Variants in VPS37A observed in about 807,000 individuals in gnomAD.
The protein encoded by VPS37A is VPS37A subunit of ESCRT-I, also known as vacuolar protein sorting-associated protein 37A.
VPS37A carries 30 observed loss-of-function variants against 49.8 expected under a neutral mutation model. That is an observed-to-expected ratio of 0.60 (90% CI 0.45 to 0.82). VPS37A has a LOEUF of 0.82. Among genes scored for constraint, VPS37A ranks in the 40% least tolerant of loss-of-function variants. VPS37A has a pLI of 0.00. For synonymous variants in VPS37A, 195 were observed against 160.6 expected (o/e 1.21, Z -1.62); for missense variants, 593 against 464.4 (o/e 1.28, Z -2.55).
chr8:17,327,686 A>G, the VPS37A span, among the ~76,000 whole-genome samples: 1 of 152,218 alleles, frequency 6.6e-6, no homozygotes, highest in African/African-American at 2.4e-5. Context: ...TGTCTGTCTA[A>G]GCCAATTTAA....
the VPS37A span, among the ~76,000 whole-genome samples, chr8:17,314,985 A>AAAT: frequency 3.3e-5 from 5 of 152,222 alleles, no homozygotes; most frequent in African/African-American, 1.2e-4. Flanking sequence ...GGCCAGTGAA[A>AAAT]AATACACACA....
At chr8:17,247,828 T>C (rs1055046985) in intron 1 of VPS37A, 6 of 697,250 alleles carry the variant, frequency 8.6e-6, no homozygotes, top group Non-Finnish European at 1.6e-5. Context: ...AGCCAGAGTT[T>C]TCATCAGTGA....
the VPS37A span, chr8:17,313,280 G>C: frequency 6.3e-7 from 1 of 1,578,272 alleles, no homozygotes; most frequent in Non-Finnish European, 8.7e-7. Flanking sequence ...TATTTTCTCT[G>C]CAATTGCATA....
At chr8:17,312,113 A>C in the VPS37A span, among the ~76,000 whole-genome samples, 18 of 152,374 alleles carry the variant, frequency 1.2e-4, no homozygotes, top group African/African-American at 4.3e-4. Context: ...AACAAAAGTA[A>C]AAATGACACC....
At chr8:17,261,514 G>C (rs966538782) in intron 1 of VPS37A, among the ~76,000 whole-genome samples, 1 of 152,190 alleles carries the variant, frequency 6.6e-6, no homozygotes, top group African/African-American at 2.4e-5. Flanking sequence ...CTCCCTGTTT[G>C]CTCTTGTTTC....
At chr8:17,327,248 A>G in the VPS37A span, among the ~76,000 whole-genome samples, 19,952 of 152,158 alleles carry the variant, frequency 0.13, 1,833 homozygotes, top group Non-Finnish European at 0.2. Context: ...ATAAAACACT[A>G]CTATCAACAT....
intron 10 of VPS37A, among the ~76,000 whole-genome samples, chr8:17,285,057 A>T (rs35254882): frequency 2.9e-4 from 41 of 142,264 alleles, no homozygotes; most frequent in African/African-American, 4.9e-4. Flanking sequence ...GAAAAAAAAA[A>T]ATTTTTTTTT....
Position 17,295,025 on chromosome 8 carries a change from A to G in VPS37A, c.*39A>G, listed in dbSNP as rs1816518449. The G allele has an allele frequency of 6.6e-6, 1 of 152,650 alleles. No homozygotes were observed. The highest frequency in any genetic ancestry group is 6.5e-5 in the Admixed American group (1 of 15,280). 9.5% of individuals were successfully genotyped at this position (152,650 alleles called of 1,614,324 possible). On this transcript the variant is annotated 3_prime_UTR_variant, in exon 12 of 12. Transcript: ENST00000324849. ...CATGAACTGCCAAGAGAGGAATGGG[A>G]CACAAAACCAAACACTGTTTTATAT... is the stretch of plus-strand genomic sequence containing the variant.
intron 1 of VPS37A, among the ~76,000 whole-genome samples, chr8:17,254,960 C>G (rs1812306340): frequency 6.6e-6 from 1 of 152,120 alleles, no homozygotes; most frequent in African/African-American, 2.4e-5. Context: ...ATAAACGTTA[C>G]TTGAGTTACC....
rs759995761 is a variant in VPS37A, at chr8:17,274,876, C to T, written c.560C>T (p.Thr187Ile). 6 of 1,614,014 alleles carry T rather than the reference C, an allele frequency of 3.7e-6. No individual in the cohort carries two copies. The highest frequency in any genetic ancestry group is 5.1e-6 in the Non-Finnish European group (6 of 1,180,022). Reference sequence around the variant, plus strand: ...GTTTCTTCTTCAACAACAAGTCATACCACAGCCAAGCCTGCCGCTCCTTCA... The same window carrying T: ...GTTTCTTCTTCAACAACAAGTCATATCACAGCCAAGCCTGCCGCTCCTTCA... ...DTVSSSTTSH[T>I]TAKPAAPSFG... Residue 187 changes from threonine to isoleucine, a missense_variant, in exon 5 of 12, where the codon ACC becomes ATC. Coordinates refer to ENST00000324849, the MANE Select transcript of VPS37A (RefSeq NM_152415.3).
chr8:17,298,116 C>T (rs1259142402), downstream of VPS37A: 2 of 151,972 alleles, frequency 1.3e-5, no homozygotes, highest in East Asian at 1.9e-4. Context: ...CAATATTAGG[C>T]AACAGAGTTT....
chr8:17,323,944 T>G, the VPS37A span, among the ~76,000 whole-genome samples: 3 of 152,200 alleles, frequency 2.0e-5, no homozygotes, highest in African/African-American at 4.8e-5. Flanking sequence ...AAAATTAATC[T>G]TTGAACTGTC....
downstream of VPS37A, chr8:17,299,203 G>A (rs1186812607): frequency 1.3e-5 from 2 of 152,180 alleles, no homozygotes; most frequent in African/African-American, 4.8e-5. Flanking sequence ...TGAGATACAA[G>A]GTTTAGCATT....
chr8:17,311,541 G>A, the VPS37A span: 1 of 1,614,056 alleles, frequency 6.2e-7, no homozygotes. Flanking sequence ...GGTAGTGAGG[G>A]TCCAGCAGCA....
intron 6 of VPS37A, 184 bp from the exon 7 acceptor site, chr8:17,279,844 C>T: frequency 1.4e-6 from 1 of 716,676 alleles, no homozygotes; most frequent in South Asian, 1.5e-5. Context: ...TTACAGACTG[C>T]TCTATGTTCC....
chr8:17,313,462 C>A, the VPS37A span: 1 of 1,093,154 alleles, frequency 9.1e-7, no homozygotes, highest in Non-Finnish European at 1.4e-6. Flanking sequence ...TACATATGAT[C>A]ATGTTTTATA....
At chr8:17,302,043 A>C, downstream of VPS37A, 1 of 1,430,602 alleles carries the variant, frequency 7.0e-7, no homozygotes, top group Non-Finnish European at 9.6e-7. Context: ...TGTTCTACTG[A>C]CTAAAAATGT....
downstream of VPS37A, among the ~76,000 whole-genome samples, chr8:17,303,479 G>T (rs1005336854): frequency 4.6e-5 from 7 of 152,120 alleles, no homozygotes; most frequent in African/African-American, 1.7e-4. Flanking sequence ...TGATGTTGCT[G>T]ACCTTTGAGT....
intron 11 of VPS37A, among the ~76,000 whole-genome samples, chr8:17,287,677 CA>C (rs529717738): frequency 5.5e-4 from 76 of 137,120 alleles, no homozygotes; most frequent in Admixed American, 1.2e-3. Context: ...GACTCTGTCT[CA>C]AAAAAAAAAA....
Sources: allele counts gnomAD v4.1 joint callset (sites outside exome capture counted in the v4.1 genomes callset), GRCh38; gene constraint gnomAD v4.1.1; transcripts MANE v1.5; gene names NCBI Gene and HGNC (gene_info 2026-07-23, HGNC 2026-07-21).